PTPRD: variants seen among roughly 807,000 people sequenced by gnomAD.
PTPRD encodes the protein protein tyrosine phosphatase receptor type D, also known as receptor-type tyrosine-protein phosphatase delta.
Under a neutral mutation model 214.5 loss-of-function variants are expected in PTPRD, and 34 were observed. The ratio of observed to expected loss-of-function variants is 0.16; its 90% confidence interval spans 0.12 to 0.21. The LOEUF is 0.21. Among genes scored for constraint, PTPRD ranks in the 10% least tolerant of loss-of-function variants. The pLI is 1.00. For missense variants in PTPRD, 2,545 were observed against 2,398.7 expected, an observed-to-expected ratio of 1.06 and a Z score of -1.27; for synonymous variants, 1,128 against 845.7, an observed-to-expected ratio of 1.33 and a Z score of -5.79.
At chr9:8,693,494 A>G (rs1213335266) in intron 12 of PTPRD, among the ~76,000 whole-genome samples, 1 of 152,156 alleles carries the variant, frequency 6.6e-6, no homozygotes, top group Non-Finnish European at 1.5e-5. Flanking sequence ...ATGTTTTTTC[A>G]TTTCCCTAAA....
At chr9:8,943,942 C>T (rs943139012) in intron 11 of PTPRD, among the ~76,000 whole-genome samples, 1 of 151,804 alleles carries the variant, frequency 6.6e-6, no homozygotes, top group South Asian at 2.1e-4. Context: ...GCAAAGGGAA[C>T]AATCAACAAA....
At chr9:9,731,157 T>G (rs2098184197) in intron 7 of PTPRD, among the ~76,000 whole-genome samples, 1 of 152,194 alleles carries the variant, frequency 6.6e-6, no homozygotes, top group Non-Finnish European at 1.5e-5. Flanking sequence ...AAATTTTTAC[T>G]GCTGGTATTT....
intron 14 of PTPRD, among the ~76,000 whole-genome samples, chr9:8,631,211 C>T (rs1231894308): frequency 1.3e-5 from 2 of 151,862 alleles, no homozygotes; most frequent in East Asian, 1.9e-4. Context: ...TCTAAGATTC[C>T]TGCCAGTTCT....
At chr9:8,520,129 T>C (rs1366475722) in intron 20 of PTPRD, among the ~76,000 whole-genome samples, 6 of 152,198 alleles carry the variant, frequency 3.9e-5, no homozygotes, top group African/African-American at 1.4e-4. Context: ...CAAATATTGC[T>C]AATTAAAGCT....
At chr9:9,561,820 A>C (rs1484623351) in intron 8 of PTPRD, among the ~76,000 whole-genome samples, 4 of 152,106 alleles carry the variant, frequency 2.6e-5, no homozygotes, top group Non-Finnish European at 4.4e-5. Context: ...ACCTTCTCTC[A>C]TTTGTTGGTT....
At chr9:9,453,770 T>G (rs2092599482) in intron 8 of PTPRD, among the ~76,000 whole-genome samples, 1 of 151,770 alleles carries the variant, frequency 6.6e-6, no homozygotes, top group Non-Finnish European at 1.5e-5. Context: ...AAAGGAGGTT[T>G]CAAATATTTG....
chr9:10,085,226 G>A (rs2098314006), intron 3 of PTPRD, among the ~76,000 whole-genome samples: 1 of 151,642 alleles, frequency 6.6e-6, no homozygotes, highest in Admixed American at 6.6e-5. Context: ...TACCAATTTT[G>A]ACAACACGCC....
At chr9:9,709,789 C>T (rs937389961) in intron 7 of PTPRD, among the ~76,000 whole-genome samples, 11 of 151,824 alleles carry the variant, frequency 7.2e-5, no homozygotes, top group African/African-American at 2.4e-4. Flanking sequence ...ATATAGTAGA[C>T]GTCATTAAAT....
intron 2 of PTPRD, among the ~76,000 whole-genome samples, chr9:10,349,228 G>C (rs1396540179): frequency 1.7e-5 from 2 of 118,528 alleles, no homozygotes; most frequent in African/African-American, 6.5e-5. Flanking sequence ...CATCTTTGGG[G>C]AAAGTCATAG....
intron 9 of PTPRD, among the ~76,000 whole-genome samples, chr9:9,291,268 C>T (rs140578094): frequency 6.6e-6 from 1 of 151,448 alleles, no homozygotes; most frequent in Non-Finnish European, 1.5e-5. Flanking sequence ...AGAAGAGAAA[C>T]CTTAAACTTT....
rs376606122 is a variant in PTPRD at position 9,808,946 on chromosome 9, T to C, written c.-367-42095A>G. ...CCACAATGCCTGGCTAATTTTTATT[T>C]TGTATTTTTTTTTTTTTTTTGTAGA... On this transcript the variant is annotated intron_variant, in intron 5 of 45. Coordinates refer to ENST00000381196, the MANE Select transcript of PTPRD (RefSeq NM_002839.4). Among the ~76,000 whole-genome samples, 14 of 100,152 alleles carry C rather than the reference T, an allele frequency of 1.4e-4. 1 individual carries two copies. The highest frequency in any genetic ancestry group is 1.0e-3 in the African/African-American group (14 of 13,978). The allele number at this position is 100,152 out of a possible 152,430, so 65.7% of individuals were successfully genotyped here.
intron 12 of PTPRD, among the ~76,000 whole-genome samples, chr9:8,692,231 C>G (rs1244423680): frequency 2.6e-5 from 4 of 152,232 alleles, no homozygotes; most frequent in Non-Finnish European, 5.9e-5. Flanking sequence ...TATAAACAGT[C>G]TACCATCTCA....
intron 8 of PTPRD, among the ~76,000 whole-genome samples, chr9:9,571,658 T>C (rs2086451079): frequency 1.3e-5 from 2 of 151,112 alleles, no homozygotes. Flanking sequence ...TGAATTTTCA[T>C]TTCAAAATTG....
intron 3 of PTPRD, among the ~76,000 whole-genome samples, chr9:10,099,412 T>C (rs1012142222): frequency 1.3e-5 from 2 of 151,716 alleles, no homozygotes; most frequent in Admixed American, 6.6e-5. Flanking sequence ...GGAATAAAAA[T>C]TAAATACTGC....
chr9:10,192,712 C>T (rs1593699451), intron 3 of PTPRD, among the ~76,000 whole-genome samples: 1 of 152,106 alleles, frequency 6.6e-6, no homozygotes, highest in South Asian at 2.1e-4. Flanking sequence ...ATTATGAAAA[C>T]ACATGCTTGG....
chr9:8,681,573 G>A (rs1014747982), intron 12 of PTPRD, among the ~76,000 whole-genome samples: 13 of 152,046 alleles, frequency 8.6e-5, no homozygotes, highest in African/African-American at 1.9e-4. Context: ...ATACACACAC[G>A]TATCTAGACT....
chr9:9,339,119 C>G (rs922786436), intron 9 of PTPRD, among the ~76,000 whole-genome samples: 18 of 152,060 alleles, frequency 1.2e-4, no homozygotes, highest in African/African-American at 3.9e-4. Context: ...ATGAACAACA[C>G]AATGACCTAT....
intron 11 of PTPRD, among the ~76,000 whole-genome samples, chr9:9,014,756 G>A (rs1448369294): frequency 2.0e-5 from 3 of 152,114 alleles, no homozygotes; most frequent in Non-Finnish European, 4.4e-5. Context: ...AATTTCTGAA[G>A]TAAGATGACT....
intron 3 of PTPRD, among the ~76,000 whole-genome samples, chr9:10,101,662 C>T (rs1206128458): frequency 6.6e-6 from 1 of 151,592 alleles, no homozygotes; most frequent in East Asian, 1.9e-4. Flanking sequence ...ATTACTACAC[C>T]TATACGGTAT....
Sources: gnomAD v4.1 joint callset for allele counts (sites outside exome capture counted in the v4.1 genomes callset) on GRCh38, gnomAD v4.1.1 for gene constraint, MANE v1.5 for transcripts, NCBI Gene and HGNC (gene_info 2026-07-23, HGNC 2026-07-21) for gene names.